Variants in PM20D2 observed in about 807,000 individuals in gnomAD.
PM20D2 encodes xaa-Arg dipeptidase.
In PM20D2, 33 loss-of-function variants were observed where a neutral mutation model predicts 42.9. The observed-to-expected ratio is 0.77, with a 90% CI of 0.58 to 1.03. The LOEUF (loss-of-function observed/expected upper bound fraction) is 1.03. Ranked by LOEUF, PM20D2 falls within the 50% of genes least tolerant of loss-of-function variation. The probability of loss-of-function intolerance (pLI) is 0.00; values close to 1 mark genes in which losing one functional copy is unlikely to be tolerated. For missense variants in PM20D2, 548 were observed against 557.0 expected (o/e 0.98, Z 0.16); for synonymous variants, 250 against 228.2 (o/e 1.10, Z -0.86).
At chr6:89,160,866 C>T (rs377461148) in intron 5 of PM20D2, among the ~76,000 whole-genome samples, 4 of 152,000 alleles carry the variant, frequency 2.6e-5, no homozygotes, top group South Asian at 2.1e-4. Context: ...AGAGATGATG[C>T]AGGGATAGCA....
intron 6 of PM20D2, 102 bp from the exon 7 acceptor site, chr6:89,162,007 T>A: frequency 6.8e-7 from 1 of 1,465,540 alleles, no homozygotes; most frequent in Non-Finnish European, 9.5e-7. Context: ...TACTGCACTG[T>A]GGTGGGCAGT....
the PM20D2 span, among the ~76,000 whole-genome samples, chr6:89,134,232 G>A: frequency 6.6e-6 from 1 of 150,988 alleles, no homozygotes; most frequent in Non-Finnish European, 1.5e-5. Flanking sequence ...TCTCAATCCT[G>A]ATCAAAGGTT....
At chr6:89,100,522 TA>T in the PM20D2 span, among the ~76,000 whole-genome samples, 7,910 of 144,592 alleles carry the variant, frequency 0.055, 343 homozygotes, top group African/African-American at 0.13. Flanking sequence ...CATGTTATGT[TA>T]AAAAAAAAAA....
chr6:89,113,469 G>A, the PM20D2 span, among the ~76,000 whole-genome samples: 1 of 152,090 alleles, frequency 6.6e-6, no homozygotes, highest in Admixed American at 6.5e-5. Flanking sequence ...ACCGCACCCA[G>A]CCCAATTTTT....
chr6:89,122,877 A>G, the PM20D2 span, among the ~76,000 whole-genome samples: 57 of 152,338 alleles, frequency 3.7e-4, no homozygotes, highest in Non-Finnish European at 6.3e-4. Flanking sequence ...GGATTTGTAT[A>G]GAACACATTG....
At chr6:89,116,550 G>A in the PM20D2 span, among the ~76,000 whole-genome samples, 1 of 152,070 alleles carries the variant, frequency 6.6e-6, no homozygotes, top group Non-Finnish European at 1.5e-5. Flanking sequence ...CGAGCTGGGC[G>A]GATCACTTGA....
At chr6:89,133,928 A>G in the PM20D2 span, among the ~76,000 whole-genome samples, 1,285 of 151,520 alleles carry the variant, frequency 8.5e-3, 99 homozygotes, top group African/African-American at 0.03. Flanking sequence ...TTTGGGTTTT[A>G]GAATAAATGC....
chr6:89,148,697 G>A (rs1437035498), intron 1 of PM20D2: 1 of 450,426 alleles, frequency 2.2e-6, no homozygotes, highest in Non-Finnish European at 2.9e-6. Context: ...TCAGAGTTTA[G>A]GCCAGAAGAT....
At chr6:89,101,094 AG>A in the PM20D2 span, among the ~76,000 whole-genome samples, 1 of 151,010 alleles carries the variant, frequency 6.6e-6, no homozygotes, top group Non-Finnish European at 1.5e-5. Context: ...GGGCAACAAG[AG>A]AAAACCTCCA....
chr6:89,113,183 AT>A, the PM20D2 span, among the ~76,000 whole-genome samples: 1 of 150,988 alleles, frequency 6.6e-6, no homozygotes, highest in Non-Finnish European at 1.5e-5. Context: ...CCAATGATTT[AT>A]TTTTTTTTGA....
At chr6:89,099,443 CATATATATGTGTGT>C in the PM20D2 span, among the ~76,000 whole-genome samples, 26 of 138,748 alleles carry the variant, frequency 1.9e-4, no homozygotes, top group Admixed American at 1.1e-3. Flanking sequence ...TATATATACA[CATATATATGTGTGT>C]ATATATGTGT....
chr6:89,139,867 T>C, the PM20D2 span, among the ~76,000 whole-genome samples: 1 of 152,146 alleles, frequency 6.6e-6, no homozygotes, highest in East Asian at 1.9e-4. Context: ...CAGTGCAAGG[T>C]ATGATGTAAT....
intron 2 of PM20D2, among the ~76,000 whole-genome samples, chr6:89,151,570 C>G (rs1770844323): frequency 6.6e-6 from 1 of 152,194 alleles, no homozygotes; most frequent in African/African-American, 2.4e-5. Context: ...TGCTGACCAC[C>G]TTTCCCAAAT....
the PM20D2 span, among the ~76,000 whole-genome samples, chr6:89,116,802 A>T: frequency 6.6e-6 from 1 of 152,044 alleles, no homozygotes; most frequent in Non-Finnish European, 1.5e-5. Flanking sequence ...TAAAAAATAA[A>T]AAATACTTAA....
intron 5 of PM20D2, among the ~76,000 whole-genome samples, chr6:89,158,923 T>C (rs779576414): frequency 6.6e-6 from 1 of 152,172 alleles, no homozygotes; most frequent in Non-Finnish European, 1.5e-5. Context: ...TTATTACTAA[T>C]ACATTTGCAA....
chr6:89,098,969 G>T, the PM20D2 span: 1 of 1,587,010 alleles, frequency 6.3e-7, no homozygotes, highest in South Asian at 1.1e-5. Context: ...CATAATGTTA[G>T]AGCATATATT....
rs115919030 is a variant in PM20D2, at chr6:89,148,223, C to T, written c.466-1042C>T. ...CGAACTCCGGATCTCGGGTGATTCGCCCACCTCGGCCTCCCACAGTGCTAG... is the reference window on the plus strand; with the variant it reads ...CGAACTCCGGATCTCGGGTGATTCGTCCACCTCGGCCTCCCACAGTGCTAG... On this transcript the variant is annotated intron_variant, in intron 1 of 6. Coordinates refer to ENST00000275072, the MANE Select transcript of PM20D2 (RefSeq NM_001010853.3). Among the ~76,000 whole-genome samples the T allele has an allele frequency of 7.5e-3, 1,137 of 152,096 alleles. 15 individuals are homozygous for T. Among genetic ancestry groups the T allele is most frequent in the African/African-American group, 0.026 (1,085 of 41,508 alleles).
At chr6:89,107,067 A>C in the PM20D2 span, 4 of 1,219,760 alleles carry the variant, frequency 3.3e-6, no homozygotes, top group African/African-American at 4.5e-5. Context: ...AGGCAATATT[A>C]ATCTCATAAC....
the PM20D2 span, among the ~76,000 whole-genome samples, chr6:89,136,528 A>G: frequency 6.6e-6 from 1 of 150,622 alleles, no homozygotes; most frequent in South Asian, 2.1e-4. Context: ...ATACAAAAAA[A>G]TCAGCCGGGC....
Sources: gnomAD v4.1 joint callset for allele counts (sites outside exome capture counted in the v4.1 genomes callset) on GRCh38, gnomAD v4.1.1 for gene constraint, MANE v1.5 for transcripts, NCBI Gene and HGNC (gene_info 2026-07-23, HGNC 2026-07-21) for gene names.